GRIA2: variants seen among roughly 807,000 people sequenced by gnomAD.
The protein encoded by GRIA2 is glutamate ionotropic receptor AMPA type subunit 2.
A neutral mutation model predicts 97.3 loss-of-function variants in GRIA2; 14 were observed. The observed-to-expected ratio is 0.14, with a 90% CI of 0.10 to 0.23. The LOEUF (loss-of-function observed/expected upper bound fraction) is 0.23. Among genes scored for constraint, GRIA2 ranks in the 10% least tolerant of loss-of-function variants. The pLI is 1.00. For missense variants in GRIA2, 558 were observed against 1,069.8 expected (o/e 0.52, Z 6.67); for synonymous variants, 412 against 387.8 (o/e 1.06, Z -0.73).
intron 2 of GRIA2, among the ~76,000 whole-genome samples, chr4:157,284,649 C>A (rs1009945853): frequency 1.3e-5 from 2 of 151,702 alleles, no homozygotes; most frequent in African/African-American, 4.8e-5. Context: ...CCACTGTATT[C>A]TTACTACTCA....
At chr4:157,317,235 T>C (rs895036045) in intron 4 of GRIA2, among the ~76,000 whole-genome samples, 6 of 152,208 alleles carry the variant, frequency 3.9e-5, no homozygotes, top group East Asian at 1.9e-4. Flanking sequence ...TATAGACATA[T>C]GAATATAAAA....
At chr4:157,228,282 G>C (rs1288227827) in intron 2 of GRIA2, among the ~76,000 whole-genome samples, 1 of 152,018 alleles carries the variant, frequency 6.6e-6, no homozygotes, top group East Asian at 1.9e-4. Flanking sequence ...CTATACATAT[G>C]GATTTCAGAA....
chr4:157,278,099 G>A lies in GRIA2; in HGVS notation c.230-25453G>A, dbSNP rs79023032. Among the ~76,000 whole-genome samples, 1,160 of 151,510 alleles carry A rather than the reference G, an allele frequency of 7.7e-3. 15 individuals are homozygous for A. The highest frequency in any genetic ancestry group is 0.025 in the African/African-American group (1,053 of 41,438). On this transcript the variant is annotated intron_variant, in intron 2 of 15. Coordinates refer to ENST00000264426, the MANE Select transcript of GRIA2 (RefSeq NM_001083619.3). ...AATCAGAACCTCAGCCAGTTATTGT[G>A]TAGGTATTAACAAACTTATTTTAAA...
intron 12 of GRIA2, among the ~76,000 whole-genome samples, chr4:157,343,109 C>T (rs913183995): frequency 1.3e-5 from 2 of 152,024 alleles, no homozygotes; most frequent in Non-Finnish European, 2.9e-5. Flanking sequence ...GCACTAACTT[C>T]ATGGAGCCCA....
At chr4:157,269,665 T>C (rs1731931367) in intron 2 of GRIA2, among the ~76,000 whole-genome samples, 1 of 152,078 alleles carries the variant, frequency 6.6e-6, no homozygotes. Flanking sequence ...CAAGCCTAGG[T>C]GTTTCATCAT....
chr4:157,355,677 T>A (rs1736236940), intron 12 of GRIA2, among the ~76,000 whole-genome samples: 1 of 100,824 alleles, frequency 9.9e-6, no homozygotes, highest in South Asian at 4.1e-4. Flanking sequence ...TTTTTATATA[T>A]TTATTTATAT....
At chr4:157,335,581 G>C (rs184874066) in intron 9 of GRIA2, 90 bp from the exon 10 acceptor site, 4 of 766,168 alleles carry the variant, frequency 5.2e-6, no homozygotes, top group Non-Finnish European at 6.8e-6. Context: ...CTGGCTAATG[G>C]GTAATAATTA....
intron 3 of GRIA2, among the ~76,000 whole-genome samples, chr4:157,308,628 G>A (rs897342539): frequency 6.6e-6 from 1 of 152,168 alleles, no homozygotes; most frequent in Non-Finnish European, 1.5e-5. Context: ...GGATATTAGA[G>A]TTGAATAACT....
chr4:157,355,896 TA>T (rs1736278024), intron 12 of GRIA2, among the ~76,000 whole-genome samples: 1 of 3,416 alleles, frequency 2.9e-4, no homozygotes, highest in African/African-American at 5.6e-4. Context: ...AATATATTTA[TA>T]TATAAATATA....
Position 157,364,216 on chromosome 4 carries a change from T to C in GRIA2, c.*785T>C, listed in dbSNP as rs1736775090. ...TAAAACTTTAATGTATCCTATTCTTTAACATTTGGTGTTAATATAAAATTA... is the reference window on the plus strand; with the variant it reads ...TAAAACTTTAATGTATCCTATTCTTCAACATTTGGTGTTAATATAAAATTA... On this transcript the variant is annotated 3_prime_UTR_variant, in exon 16 of 16. Coordinates refer to ENST00000264426, the MANE Select transcript of GRIA2 (RefSeq NM_001083619.3). The C allele has an allele frequency of 6.6e-6, 1 of 152,466 alleles. No individual in the cohort carries two copies. Among genetic ancestry groups the C allele is most frequent in the African/African-American group, 2.4e-5 (1 of 41,452 alleles). The allele number at this position is 152,466 out of a possible 1,614,324, so 9.4% of individuals were successfully genotyped here. A position where few individuals can be genotyped will look rare whatever the true frequency, so the allele number is the denominator to read the frequency against.
intron 12 of GRIA2, among the ~76,000 whole-genome samples, chr4:157,343,781 T>C (rs1735650405): frequency 6.6e-6 from 1 of 152,096 alleles, no homozygotes; most frequent in Non-Finnish European, 1.5e-5. Flanking sequence ...AATTATTTCA[T>C]TGAAATATAT....
chr4:157,352,220 G>A (rs1665464467), intron 12 of GRIA2, among the ~76,000 whole-genome samples: 1 of 152,046 alleles, frequency 6.6e-6, no homozygotes, highest in South Asian at 2.1e-4. Context: ...GGATTTTTAT[G>A]CTTTAGTGTA....
intron 2 of GRIA2, among the ~76,000 whole-genome samples, chr4:157,300,093 G>A (rs550698170): frequency 1.3e-5 from 2 of 151,804 alleles, no homozygotes; most frequent in African/African-American, 2.4e-5. Flanking sequence ...TGATAGTCTC[G>A]GTGGTAGTAA....
intron 2 of GRIA2, among the ~76,000 whole-genome samples, chr4:157,292,388 A>G (rs928910127): frequency 6.6e-6 from 1 of 152,022 alleles, no homozygotes; most frequent in Non-Finnish European, 1.5e-5. Flanking sequence ...TAATATCCAG[A>G]TATTAATATT....
At chr4:157,249,384 A>G (rs571556606) in intron 2 of GRIA2, 3 of 152,254 alleles carry the variant, frequency 2.0e-5, no homozygotes, top group East Asian at 1.9e-4. Flanking sequence ...AATCCTTACT[A>G]CCAGAGTCTT....
chr4:157,257,794 A>T (rs911183917), intron 2 of GRIA2, among the ~76,000 whole-genome samples: 1 of 152,072 alleles, frequency 6.6e-6, no homozygotes, highest in Non-Finnish European at 1.5e-5. Flanking sequence ...TGATTCTTTT[A>T]AAAAATGTTA....
intron 6 of GRIA2, among the ~76,000 whole-genome samples, chr4:157,326,533 C>T (rs977545000): frequency 2.6e-5 from 4 of 152,086 alleles, no homozygotes; most frequent in African/African-American, 9.7e-5. Flanking sequence ...TGTGGTATCA[C>T]CTATGAGAAG....
At chr4:157,230,753 T>G (rs1729972223) in intron 2 of GRIA2, among the ~76,000 whole-genome samples, 1 of 152,150 alleles carries the variant, frequency 6.6e-6, no homozygotes, top group African/African-American at 2.4e-5. Context: ...ATAATAATTT[T>G]AATTTTGTCA....
chr4:157,229,354 T>A (rs151002764), intron 2 of GRIA2, among the ~76,000 whole-genome samples: 150 of 152,316 alleles, frequency 9.8e-4, no homozygotes, highest in Non-Finnish European at 1.1e-3. Flanking sequence ...CATTATCATA[T>A]TACTGGGAAA....
Sources: gnomAD v4.1 joint callset for allele counts (sites outside exome capture counted in the v4.1 genomes callset) on GRCh38, gnomAD v4.1.1 for gene constraint, MANE v1.5 for transcripts, NCBI Gene and HGNC (gene_info 2026-07-23, HGNC 2026-07-21) for gene names.